The following RRP15 variants were observed in gnomAD, a reference collection of about 807,000 sequenced individuals.
The protein encoded by RRP15 is RRP15-like protein.
Under a neutral mutation model 27.1 loss-of-function variants are expected in RRP15, and 18 were observed. The observed-to-expected ratio is 0.66, with a 90% CI of 0.46 to 0.98. The LOEUF (loss-of-function observed/expected upper bound fraction) is 0.98. RRP15 is among the 50% of genes least tolerant of loss of function. RRP15 has a pLI of 0.00. For synonymous variants in RRP15, 107 were observed against 109.4 expected (o/e 0.98, Z 0.14); for missense variants, 359 against 337.8 (o/e 1.06, Z -0.49).
At chr1:218,292,215 G>A (rs967795520) in intron 1 of RRP15, among the ~76,000 whole-genome samples, 17 of 152,148 alleles carry the variant, frequency 1.1e-4, no homozygotes, top group African/African-American at 3.6e-4. Flanking sequence ...TAGAGGAAGT[G>A]GATAATAATA....
At chr1:218,319,141 T>C (rs1007468010) in intron 4 of RRP15, among the ~76,000 whole-genome samples, 1 of 151,772 alleles carries the variant, frequency 6.6e-6, no homozygotes, top group African/African-American at 2.4e-5. Flanking sequence ...CTCGGCTCAC[T>C]GCAACCTCCA....
Position 218,334,982 on chromosome 1 carries a change from T to A in RRP15, c.*3891T>A, listed in dbSNP as rs1202207713. The A allele has an allele frequency of 6.6e-6, 1 of 152,190 alleles. No individual in the cohort carries two copies. The highest frequency in any genetic ancestry group is 1.5e-5 in the Non-Finnish European group (1 of 68,030). 9.4% of individuals were successfully genotyped at this position (152,190 alleles called of 1,614,324 possible). A position where few individuals can be genotyped will look rare whatever the true frequency, so the allele number is the denominator to read the frequency against. ...TGATTAAACATATTAGTCAAGGGAA[T>A]CTGTGAATAGATTTAGAAGTAGAAT... On this transcript the variant is annotated 3_prime_UTR_variant, in exon 5 of 5. Transcript: ENST00000366932.
intron 4 of RRP15, among the ~76,000 whole-genome samples, chr1:218,313,388 A>C (rs1656034189): frequency 1.3e-5 from 2 of 152,144 alleles, no homozygotes; most frequent in Admixed American, 1.3e-4. Context: ...GATTAACATG[A>C]TGTAGAGGGA....
intron 2 of RRP15, chr1:218,302,789 G>A (rs1385504093): frequency 1.3e-5 from 6 of 479,028 alleles, no homozygotes; most frequent in Non-Finnish European, 2.1e-5. Context: ...AAATGTAAAC[G>A]CTGAGGAAAC....
rs181087459 is a variant in RRP15, at chr1:218,294,100, C to T, written c.140-8194C>T. Among the ~76,000 whole-genome samples, 272 of 152,228 alleles carry T rather than the reference C, an allele frequency of 1.8e-3. 4 individuals carry two copies. The highest frequency in any genetic ancestry group is 1.9e-3 in the Non-Finnish European group (130 of 68,016). ...AAGGGGATCACGAATTAGAGATATA[C>T]AGCCGGTGAATGTGGAAAAAACACC... On this transcript the variant is annotated intron_variant, in intron 1 of 4. Coordinates refer to ENST00000366932, the MANE Select transcript of RRP15 (RefSeq NM_016052.4).
chr1:218,302,977 G>T (rs1655838573), intron 2 of RRP15, among the ~76,000 whole-genome samples: 1 of 152,082 alleles, frequency 6.6e-6, no homozygotes, highest in African/African-American at 2.4e-5. Context: ...GTAACTCAAG[G>T]ATTGGTTGTA....
Position 218,327,519 on chromosome 1 carries a change from GT to G in RRP15, c.706-3428del. ...GGGTTTCACCATGTTGGCCAGGCTG[GT>G]CTGAAACTCCTGACCTCAAGTGATC... is the stretch of plus-strand genomic sequence containing the variant. On this transcript the variant is annotated intron_variant, in intron 4 of 4. Coordinates refer to ENST00000366932, the MANE Select transcript of RRP15 (RefSeq NM_016052.4). Among the ~76,000 whole-genome samples, 2 of 152,050 alleles carry G rather than the reference GT, an allele frequency of 1.3e-5. 1 individual carries two copies. Among genetic ancestry groups the G allele is most frequent in the Non-Finnish European group, 2.9e-5 (2 of 68,012 alleles).
At chr1:218,327,319 AT>A (rs1220598996) in intron 4 of RRP15, among the ~76,000 whole-genome samples, 1 of 151,866 alleles carries the variant, frequency 6.6e-6, no homozygotes, top group African/African-American at 2.4e-5. Context: ...GGTTTTCTTT[AT>A]TTTTTTGAGA....
intron 1 of RRP15, among the ~76,000 whole-genome samples, chr1:218,294,861 A>G (rs1277749244): frequency 2.0e-5 from 3 of 152,180 alleles, no homozygotes; most frequent in Admixed American, 2.0e-4. Context: ...TCATTAGCAT[A>G]CAAGAAGATA....
rs1656449323 is a variant in RRP15 at position 218,336,430 on chromosome 1, G to A, written c.*5339G>A. 1.3e-5 allele frequency: 2 copies of A among 152,640 alleles called. No individual in the cohort carries two copies. The highest frequency in any genetic ancestry group is 2.4e-5 in the African/African-American group (1 of 41,470). 9.5% of individuals were successfully genotyped at this position (152,640 alleles called of 1,614,324 possible). A position where few individuals can be genotyped will look rare whatever the true frequency, so the allele number is the denominator to read the frequency against. ...ACATCAAAGTGAAAACACCAAATTT[G>A]TAAGAGGTCAGGACCAACTGGGGCT... is the stretch of plus-strand genomic sequence containing the variant. On this transcript the variant is annotated 3_prime_UTR_variant, in exon 5 of 5. Transcript: ENST00000366932.
At position 218,285,308 on chromosome 1, in the gene RRP15, C is replaced by T. The variant is rs1344335580; in HGVS notation, c.-9C>T. The T allele has an allele frequency of 1.2e-6, 2 of 1,612,800 alleles. No individual in the cohort carries two copies. Among genetic ancestry groups the T allele is most frequent in the South Asian group, 1.1e-5 (1 of 91,028 alleles). On this transcript the variant is annotated 5_prime_UTR_variant, in exon 1 of 5. Transcript: ENST00000366932. ...CGCAACTGTCAGGTGACGCTTCCGG[C>T]GCAGAAAAATGGCAGCCGCCGCTCC... is the stretch of plus-strand genomic sequence containing the variant.
rs774400783 is a variant in RRP15, at chr1:218,302,565, T to G, written c.405+6T>G. ...GACTAGAGAAAATAAAACAGGTATG[T>G]TCCACCAGTTCTCTTGTAGATTAGA... On this transcript the variant is annotated splice_donor_region_variant and intron_variant, in intron 2 of 4. Transcript: ENST00000366932. 1 of 1,609,090 alleles carries G rather than the reference T, an allele frequency of 6.2e-7. No homozygotes were observed. Among genetic ancestry groups the G allele is most frequent in the Non-Finnish European group, 8.5e-7 (1 of 1,178,346 alleles).
intron 4 of RRP15, among the ~76,000 whole-genome samples, chr1:218,322,821 T>C (rs1355942841): frequency 6.6e-6 from 1 of 152,170 alleles, no homozygotes; most frequent in Non-Finnish European, 1.5e-5. Context: ...GGGCTCGTTT[T>C]GCCCACTCAG....
At chr1:218,314,572 TAC>T (rs1456586009) in intron 4 of RRP15, among the ~76,000 whole-genome samples, 1 of 152,202 alleles carries the variant, frequency 6.6e-6, no homozygotes, top group Non-Finnish European at 1.5e-5. Flanking sequence ...ACTCTTGAAT[TAC>T]AGACTTTCTA....
chr1:218,322,453 A>G (rs1027840719), intron 4 of RRP15, among the ~76,000 whole-genome samples: 1 of 151,692 alleles, frequency 6.6e-6, no homozygotes, highest in Non-Finnish European at 1.5e-5. Context: ...TATTTTTGGG[A>G]CGATCTTGGT....
At position 218,337,318 on chromosome 1, in the gene RRP15, T is replaced by G. The variant is rs562835870; in HGVS notation, c.*6227T>G. 3 of 152,286 alleles carry G rather than the reference T, an allele frequency of 2.0e-5. No homozygotes were observed. The East Asian group carries it at 5.8e-4, about 29-fold the overall frequency. 9.4% of individuals were successfully genotyped at this position (152,286 alleles called of 1,614,324 possible). Reference sequence around the variant, plus strand: ...AGTCTAACAGGTGGTAGGTGCTTATTGAGGCCCAGCAATTCTACTTCTGGA... The same window carrying G: ...AGTCTAACAGGTGGTAGGTGCTTATGGAGGCCCAGCAATTCTACTTCTGGA... On this transcript the variant is annotated 3_prime_UTR_variant, in exon 5 of 5. Transcript: ENST00000366932.
intron 1 of RRP15, 106 bp downstream of exon 1, chr1:218,285,561 CT>C: frequency 6.8e-7 from 1 of 1,462,024 alleles, no homozygotes; most frequent in South Asian, 1.2e-5. Flanking sequence ...TGGGTTTTAT[CT>C]TGGCACCACT....
rs1656386296 is a variant in RRP15 at position 218,332,455 on chromosome 1, A to G, written c.*1364A>G. 6.6e-6 allele frequency: 1 copy of G among 152,118 alleles called. No homozygotes were observed. The highest frequency in any genetic ancestry group is 2.1e-4 in the South Asian group (1 of 4,834). The allele number at this position is 152,118 out of a possible 1,614,324, so 9.4% of individuals were successfully genotyped here. A position where few individuals can be genotyped will look rare whatever the true frequency, so the allele number is the denominator to read the frequency against. On this transcript the variant is annotated 3_prime_UTR_variant, in exon 5 of 5. Transcript: ENST00000366932. ...TAAATATGATCTGTCCCTTTTTGAA[A>G]AGGATCCATCCCTTTTCATAATAAA...
At chr1:218,304,694 A>T (rs992543473) in intron 2 of RRP15, among the ~76,000 whole-genome samples, 5 of 152,196 alleles carry the variant, frequency 3.3e-5, no homozygotes, top group African/African-American at 1.2e-4. Context: ...ATTCTTCCTT[A>T]TGCTTCCCTC....
Sources: gnomAD v4.1 joint callset for allele counts (sites outside exome capture counted in the v4.1 genomes callset) on GRCh38, gnomAD v4.1.1 for gene constraint, MANE v1.5 for transcripts, NCBI Gene and HGNC (gene_info 2026-07-23, HGNC 2026-07-21) for gene names.